The following ALG9 variants were observed in gnomAD, a reference collection of about 807,000 sequenced individuals.
The protein encoded by ALG9 is alpha-1,2-mannosyltransferase ALG9.
In ALG9, 55 loss-of-function variants were observed where a neutral mutation model predicts 81.8. The observed-to-expected ratio is 0.67, with a 90% CI of 0.54 to 0.84. The LOEUF (loss-of-function observed/expected upper bound fraction) is 0.84. Among genes scored for constraint, ALG9 ranks in the 40% least tolerant of loss-of-function variants. The probability of loss-of-function intolerance (pLI) is 0.00; values close to 1 mark genes in which losing one functional copy is unlikely to be tolerated. For synonymous variants in ALG9, 278 were observed against 274.3 expected, an observed-to-expected ratio of 1.01 and a Z score of -0.13; for missense variants, 629 against 745.0, an observed-to-expected ratio of 0.84 and a Z score of 1.81.
At chr11:111,792,088 GA>G (rs1298972101) in intron 14 of ALG9, among the ~76,000 whole-genome samples, 2 of 151,234 alleles carry the variant, frequency 1.3e-5, no homozygotes, top group Non-Finnish European at 3.0e-5. Flanking sequence ...GTCTCAGGAA[GA>G]AAAAAAAACC....
chr11:111,853,350 A>G (rs1958125783), intron 8 of ALG9, 30 bp downstream of exon 8: 1 of 1,542,714 alleles, frequency 6.5e-7, no homozygotes, highest in East Asian at 2.2e-5. Context: ...GCTATCTCCT[A>G]ACACTTGCCC....
intron 13 of ALG9, among the ~76,000 whole-genome samples, chr11:111,821,344 C>T (rs1952336757): frequency 6.6e-6 from 1 of 152,084 alleles, no homozygotes; most frequent in South Asian, 2.1e-4. Flanking sequence ...TGGCACTGTC[C>T]CCAGAGCAGC....
At chr11:111,844,474 A>G in intron 9 of ALG9, 127 bp downstream of exon 9, 1 of 1,406,546 alleles carries the variant, frequency 7.1e-7, no homozygotes, top group East Asian at 2.3e-5. Flanking sequence ...CTGAAAATTC[A>G]GTAAGCCAAC....
chr11:111,813,900 A>G (rs1951096134), intron 13 of ALG9, among the ~76,000 whole-genome samples: 4 of 152,240 alleles, frequency 2.6e-5, no homozygotes, highest in Admixed American at 2.6e-4. Context: ...ATTTGGCAAA[A>G]TCTACTAAAA....
At position 111,786,103 on chromosome 11, in the gene ALG9, T is replaced by C; in HGVS notation, c.*294A>G. On this transcript the variant is annotated 3_prime_UTR_variant, in exon 15 of 15. Transcript: ENST00000616540. ...TTCTGCTCTTCTCCGGTCTAGTAAA[T>C]AATTGAACAGAGGAAAAACAATGAG... The C allele has an allele frequency of 2.1e-6, 1 of 482,400 alleles. No individual in the cohort carries two copies. Among genetic ancestry groups the C allele is most frequent in the Non-Finnish European group, 4.1e-6 (1 of 244,444 alleles). 29.9% of individuals were successfully genotyped at this position (482,400 alleles called of 1,614,324 possible).
chr11:111,858,084 G>A (rs1012093577), intron 5 of ALG9: 18 of 339,032 alleles, frequency 5.3e-5, no homozygotes, highest in African/African-American at 3.7e-4. Context: ...TTACAGGCAC[G>A]TGCCACCACA....
At chr11:111,803,874 T>C (rs1949520090) in intron 14 of ALG9, among the ~76,000 whole-genome samples, 3 of 152,102 alleles carry the variant, frequency 2.0e-5, no homozygotes, top group Admixed American at 2.0e-4. Context: ...GGCTCAAGCC[T>C]GTAATCTCAG....
chr11:111,864,212 C>T (rs537557269), intron 4 of ALG9: 27 of 705,330 alleles, frequency 3.8e-5, no homozygotes, highest in African/African-American at 1.1e-4. Flanking sequence ...CGCTGACCCA[C>T]GACCCACCAA....
chr11:111,774,093 A>G, the ALG9 span, among the ~76,000 whole-genome samples: 1 of 140,338 alleles, frequency 7.1e-6, no homozygotes, highest in Non-Finnish European at 1.6e-5. Context: ...AAAAAAAAAA[A>G]GCAGCACGGA....
At position 111,871,524 on chromosome 11, in the gene ALG9, G is replaced by A. The variant is rs539780103; in HGVS notation, c.-42C>T. 2 of 1,535,242 alleles carry A rather than the reference G, an allele frequency of 1.3e-6. No individual in the cohort carries two copies. The highest frequency in any genetic ancestry group is 4.9e-5 in the East Asian group (2 of 40,856). On this transcript the variant is annotated 5_prime_UTR_variant, in exon 1 of 15. Coordinates refer to ENST00000616540, the MANE Select transcript of ALG9 (RefSeq NM_024740.2). Reference sequence around the variant, plus strand: ...AAAGAATTCGGCACCCTATGAAGTCGGTGAGCGCGCAGACATAGCTTTGGC... The same window carrying A: ...AAAGAATTCGGCACCCTATGAAGTCAGTGAGCGCGCAGACATAGCTTTGGC...
At chr11:111,845,983 G>C (rs997161614) in intron 8 of ALG9, among the ~76,000 whole-genome samples, 1 of 152,168 alleles carries the variant, frequency 6.6e-6, no homozygotes, top group African/African-American at 2.4e-5. Flanking sequence ...CAATGATAGA[G>C]AATATTCATG....
chr11:111,786,437 G>A lies in ALG9; in HGVS notation c.1817C>T (p.Pro606Leu), dbSNP rs782484193. Residue 606 changes from proline (P) to leucine (L), a missense_variant, in exon 15 of 15, where the codon CCC becomes CTC. Coordinates refer to ENST00000616540, the MANE Select transcript of ALG9 (RefSeq NM_024740.2). Reference protein sequence around the residue: ...TVYVNYTILKPRKAKQIRKKS... With the variant: ...TVYVNYTILKLRKAKQIRKKS... ...CTTCCTGATTTGCTTTGCTTTCCGG[G>A]GTTTGAGGATGGTGTAGTTTACGTA... The A allele has an allele frequency of 6.2e-7, 1 of 1,614,014 alleles. No homozygotes were observed. The highest frequency in any genetic ancestry group is 8.5e-7 in the Non-Finnish European group (1 of 1,179,998).
chr11:111,795,635 C>T (rs1948160148), intron 14 of ALG9, among the ~76,000 whole-genome samples: 1 of 152,154 alleles, frequency 6.6e-6, no homozygotes, highest in Admixed American at 6.5e-5. Flanking sequence ...TATGGAGCAA[C>T]CTCCAAAAAT....
intron 4 of ALG9, among the ~76,000 whole-genome samples, chr11:111,862,159 C>T (rs911344043): frequency 1.7e-4 from 26 of 152,094 alleles, no homozygotes; most frequent in African/African-American, 4.1e-4. Flanking sequence ...ATTGCCTCTC[C>T]GCATTCTATC....
At chr11:111,821,963 G>C (rs1952474074) in intron 13 of ALG9, among the ~76,000 whole-genome samples, 1 of 152,072 alleles carries the variant, frequency 6.6e-6, no homozygotes, top group East Asian at 1.9e-4. Flanking sequence ...TCTTCACTTT[G>C]ACATTCAGAG....
At chr11:111,812,212 C>A (rs1393059997) in intron 13 of ALG9, among the ~76,000 whole-genome samples, 1 of 152,128 alleles carries the variant, frequency 6.6e-6, no homozygotes, top group African/African-American at 2.4e-5. Flanking sequence ...TGAAACTCAA[C>A]AAGCGGATTC....
chr11:111,856,816 G>C (rs2137095286), intron 6 of ALG9, among the ~76,000 whole-genome samples: 1 of 152,200 alleles, frequency 6.6e-6, no homozygotes, highest in African/African-American at 2.4e-5. Flanking sequence ...CAAGAAAGAA[G>C]GAAGACTGGG....
intron 11 of ALG9, 41 bp from the exon 12 acceptor site, chr11:111,837,656 G>A: frequency 1.2e-6 from 2 of 1,604,542 alleles, no homozygotes; most frequent in Non-Finnish European, 1.7e-6. Flanking sequence ...AGATGAGTAA[G>A]ATGAGATTCT....
chr11:111,790,430 G>A (rs1163443741), intron 14 of ALG9, among the ~76,000 whole-genome samples: 1 of 152,060 alleles, frequency 6.6e-6, no homozygotes, highest in African/African-American at 2.4e-5. Context: ...GGAGTTCAAG[G>A]GCAACCTGGG....
Sources: allele counts gnomAD v4.1 joint callset (sites outside exome capture counted in the v4.1 genomes callset), GRCh38; gene constraint gnomAD v4.1.1; transcripts MANE v1.5; gene names NCBI Gene and HGNC (gene_info 2026-07-23, HGNC 2026-07-21).